Variants in CNTN5 observed in about 807,000 individuals in gnomAD.
CNTN5 encodes contactin 5.
CNTN5 carries 77 observed loss-of-function variants against 129.1 expected under a neutral mutation model. The ratio of observed to expected loss-of-function variants is 0.60; its 90% CI spans 0.50 to 0.72. The LOEUF (loss-of-function observed/expected upper bound fraction) is 0.72, where lower values mean the gene tolerates loss of function less well. Among genes scored for constraint, CNTN5 ranks in the 30% least tolerant of loss-of-function variants. The pLI is 0.00. For synonymous variants in CNTN5, 509 were observed against 465.6 expected, an observed-to-expected ratio of 1.09 and a Z score of -1.20; for missense variants, 1,478 against 1,328.8, an observed-to-expected ratio of 1.11 and a Z score of -1.75.
intron 18 of CNTN5, among the ~76,000 whole-genome samples, chr11:100,290,444 A>G (rs1405189262): frequency 6.1e-5 from 9 of 147,602 alleles, no homozygotes; most frequent in Non-Finnish European, 9.0e-5. Flanking sequence ...GCCCTCAGAA[A>G]TAATGCCGCA....
At chr11:99,311,763 T>C (rs1185173500) in intron 1 of CNTN5, among the ~76,000 whole-genome samples, 1 of 152,220 alleles carries the variant, frequency 6.6e-6, no homozygotes, top group Non-Finnish European at 1.5e-5. Context: ...TAGTTTGTTG[T>C]AGTATTAAAA....
intron 8 of CNTN5, among the ~76,000 whole-genome samples, chr11:99,968,584 G>A (rs1004717073): frequency 2.7e-5 from 4 of 148,984 alleles, no homozygotes; most frequent in Non-Finnish European, 5.9e-5. Flanking sequence ...ATGGAATGTA[G>A]CAAAGCCACT....
chr11:99,459,183 A>T (rs1488544005), intron 2 of CNTN5, among the ~76,000 whole-genome samples: 2 of 152,016 alleles, frequency 1.3e-5, no homozygotes, highest in African/African-American at 4.8e-5. Context: ...AAAAGAAAGA[A>T]ATGATAGTTT....
chr11:99,846,108 G>A (rs1947685147), intron 6 of CNTN5, among the ~76,000 whole-genome samples: 1 of 142,732 alleles, frequency 7.0e-6, no homozygotes, highest in Non-Finnish European at 1.5e-5. Flanking sequence ...AAAAGATATT[G>A]TATGTGGCTA....
intron 8 of CNTN5, among the ~76,000 whole-genome samples, chr11:99,961,657 C>A (rs937192488): frequency 1.3e-5 from 2 of 152,200 alleles, no homozygotes; most frequent in Non-Finnish European, 2.9e-5. Context: ...ATGTTGAACA[C>A]CTTTTCCTTC....
chr11:100,236,521 T>A (rs920091828), intron 16 of CNTN5, among the ~76,000 whole-genome samples: 10 of 152,192 alleles, frequency 6.6e-5, no homozygotes, highest in African/African-American at 1.4e-4. Context: ...TGGTCTTTAC[T>A]ATTGGGGCAT....
chr11:100,129,734 A>AAGAAAATACCAGTTGTTC (rs1313691227), intron 13 of CNTN5, among the ~76,000 whole-genome samples: 1 of 152,164 alleles, frequency 6.6e-6, no homozygotes, highest in East Asian at 1.9e-4. Context: ...CTTAGTGCCA[A>AAGAAAATACCAGTTGTTC]AGAAAATACC....
At chr11:99,034,260 G>A (rs1233981932) in intron 1 of CNTN5, among the ~76,000 whole-genome samples, 1 of 152,154 alleles carries the variant, frequency 6.6e-6, no homozygotes, top group Non-Finnish European at 1.5e-5. Context: ...CCCGGCTTTG[G>A]TATCAGGATG....
intron 7 of CNTN5, among the ~76,000 whole-genome samples, chr11:99,935,558 C>T (rs968695206): frequency 6.6e-6 from 1 of 151,332 alleles, no homozygotes; most frequent in Admixed American, 6.6e-5. Flanking sequence ...TAATAGAGAA[C>T]CGTGTGTGTG....
intron 15 of CNTN5, among the ~76,000 whole-genome samples, chr11:100,196,235 G>A (rs1220292899): frequency 1.3e-5 from 2 of 152,032 alleles, no homozygotes; most frequent in Non-Finnish European, 2.9e-5. Flanking sequence ...GTGGGTGAGT[G>A]AATGAGGGTG....
At chr11:99,692,784 C>T (rs1465477495) in intron 3 of CNTN5, among the ~76,000 whole-genome samples, 1 of 152,010 alleles carries the variant, frequency 6.6e-6, no homozygotes, top group East Asian at 1.9e-4. Flanking sequence ...AAAGGAGAAT[C>T]CTTTAATCTG....
At chr11:99,658,496 T>C (rs1247723942) in intron 3 of CNTN5, among the ~76,000 whole-genome samples, 1 of 151,960 alleles carries the variant, frequency 6.6e-6, no homozygotes, top group Non-Finnish European at 1.5e-5. Flanking sequence ...ATCTACAGAG[T>C]ATATAGTAAA....
In CNTN5 at chr11:99,044,715, C is replaced by T. The variant is rs140119062; in HGVS notation, c.-210+23445C>T. 2.7e-3 allele frequency among the ~76,000 whole-genome samples: 408 copies of T among 152,190 alleles called. 1 individual carries two copies. The highest frequency in any genetic ancestry group is 9.2e-3 in the African/African-American group (383 of 41,536). ...AAAATCCTTTTCCCGAGGGGTGGGG[C>T]GTGGCTAGAGAAAAGCCAAAGCAGG... On this transcript the variant is annotated intron_variant, in intron 1 of 24. Coordinates refer to ENST00000524871, the MANE Select transcript of CNTN5 (RefSeq NM_014361.4).
At chr11:99,789,041 A>G (rs1409806212) in intron 3 of CNTN5, among the ~76,000 whole-genome samples, 1 of 151,858 alleles carries the variant, frequency 6.6e-6, no homozygotes, top group Non-Finnish European at 1.5e-5. Flanking sequence ...AACCGTGCTC[A>G]TTAACTCTGG....
intron 2 of CNTN5, among the ~76,000 whole-genome samples, chr11:99,463,108 A>AAAATAGATAAAT (rs1554994202): frequency 3.3e-5 from 4 of 121,118 alleles, no homozygotes; most frequent in Non-Finnish European, 5.1e-5. Context: ...ACTCCATCTC[A>AAAATAGATAAAT]AAATAAATAA....
At chr11:99,203,192 A>G (rs971322038) in intron 1 of CNTN5, among the ~76,000 whole-genome samples, 2 of 152,166 alleles carry the variant, frequency 1.3e-5, no homozygotes, top group Non-Finnish European at 2.9e-5. Flanking sequence ...TCTTTCTGGT[A>G]AGGACACTGA....
intron 2 of CNTN5, among the ~76,000 whole-genome samples, chr11:99,438,542 ATC>A (rs144107815): frequency 9.9e-5 from 15 of 151,280 alleles, no homozygotes; most frequent in South Asian, 4.2e-4. Context: ...ATCTCTTCAT[ATC>A]TCTCTCTCTC....
At chr11:99,400,675 G>A (rs1941757660) in intron 2 of CNTN5, among the ~76,000 whole-genome samples, 1 of 152,036 alleles carries the variant, frequency 6.6e-6, no homozygotes, top group South Asian at 2.1e-4. Context: ...CAAAGTGGGT[G>A]TACTATTCAC....
chr11:100,269,725 G>A (rs914470126), intron 17 of CNTN5, among the ~76,000 whole-genome samples: 1 of 152,148 alleles, frequency 6.6e-6, no homozygotes, highest in African/African-American at 2.4e-5. Flanking sequence ...GTGCTGGGCA[G>A]AAGAGGAAAT....
Sources: allele counts gnomAD v4.1 joint callset (sites outside exome capture counted in the v4.1 genomes callset), GRCh38; gene constraint gnomAD v4.1.1; transcripts MANE v1.5; gene names NCBI Gene and HGNC (gene_info 2026-07-23, HGNC 2026-07-21).